The following NDC80 variants were observed in gnomAD, a reference collection of about 807,000 sequenced individuals.
NDC80 encodes the protein kinetochore protein NDC80 homolog.
Under a neutral mutation model 89.3 loss-of-function variants are expected in NDC80, and 69 were observed. The ratio of observed to expected loss-of-function variants is 0.77; its 90% CI spans 0.64 to 0.94. The LOEUF is 0.94. Ranked by LOEUF, NDC80 falls within the 40% of genes least tolerant of loss-of-function variation. The probability of loss-of-function intolerance (pLI) is 0.00; values close to 1 mark genes in which losing one functional copy is unlikely to be tolerated. For missense variants in NDC80, 593 were observed against 739.6 expected (o/e 0.80, Z 2.30); for synonymous variants, 243 against 255.6 (o/e 0.95, Z 0.47).
In NDC80 at chr18:2,607,965, GTATATATATATATATATATA is replaced by G. The variant is rs3033372; in HGVS notation, c.1558-720_1558-701del. 4.8e-3 allele frequency among the ~76,000 whole-genome samples: 326 copies of G among 68,146 alleles called. 11 individuals carry two copies. Among genetic ancestry groups the G allele is most frequent in the African/African-American group, 0.018 (314 of 17,752 alleles). 44.7% of individuals were successfully genotyped at this position (68,146 alleles called of 152,430 possible). Reference sequence around the variant, plus strand: ...TGTTTTTATTTTACATATATACATAGTATATATATATATATATATATATATATATATATAACTTATTTAGC... The same window carrying G: ...TGTTTTTATTTTACATATATACATAGTATATATATATATAACTTATTTAGC... On this transcript the variant is annotated intron_variant, in intron 14 of 16. Coordinates refer to ENST00000261597, the MANE Select transcript of NDC80 (RefSeq NM_006101.3).
At chr18:2,578,201 A>T in intron 5 of NDC80, 60 bp downstream of exon 5, 1 of 1,484,352 alleles carries the variant, frequency 6.7e-7, no homozygotes, top group Non-Finnish European at 9.2e-7. Context: ...AAACAAATTA[A>T]ATCAATTTGT....
At chr18:2,583,332 T>C (rs1041185914) in intron 6 of NDC80, among the ~76,000 whole-genome samples, 1 of 152,168 alleles carries the variant, frequency 6.6e-6, no homozygotes, top group Admixed American at 6.5e-5. Flanking sequence ...AGAAGCTGTC[T>C]TTACCCTGAT....
chr18:2,601,347 T>C, intron 12 of NDC80, 49 bp from the exon 13 acceptor site: 1 of 907,542 alleles, frequency 1.1e-6, no homozygotes, highest in Non-Finnish European at 1.6e-6. Context: ...AGGAGGGATA[T>C]TTTGTAATTA....
At chr18:2,591,525 T>C (rs2072627522) in intron 10 of NDC80, among the ~76,000 whole-genome samples, 1 of 152,050 alleles carries the variant, frequency 6.6e-6, no homozygotes, top group South Asian at 2.1e-4. Flanking sequence ...GAGTATTGAT[T>C]GTCAACTCAA....
At chr18:2,580,833 C>A (rs1416180152) in intron 6 of NDC80, among the ~76,000 whole-genome samples, 1 of 148,418 alleles carries the variant, frequency 6.7e-6, no homozygotes, top group African/African-American at 2.5e-5. Context: ...CCTCCACCTC[C>A]CAGGTTCAAA....
intron 6 of NDC80, among the ~76,000 whole-genome samples, chr18:2,583,131 A>G (rs1430770709): frequency 6.6e-6 from 1 of 152,208 alleles, no homozygotes; most frequent in Non-Finnish European, 1.5e-5. Context: ...TGAAAACATG[A>G]TTCAAATCTA....
At chr18:2,614,461 A>T (rs556540955) in intron 16 of NDC80, 1 of 7,076 alleles carries the variant, frequency 1.4e-4, no homozygotes, top group Non-Finnish European at 2.5e-4. Flanking sequence ...GAAAGAAAGA[A>T]AGAAAGAAAG....
chr18:2,596,867 T>A (rs1156489828), intron 11 of NDC80, among the ~76,000 whole-genome samples: 7 of 151,482 alleles, frequency 4.6e-5, no homozygotes, highest in Non-Finnish European at 1.5e-5. Flanking sequence ...TGAGTTCATG[T>A]CCTTTGTAGG....
At chr18:2,603,453 G>A (rs1226132335) in intron 13 of NDC80, among the ~76,000 whole-genome samples, 1 of 150,028 alleles carries the variant, frequency 6.7e-6, no homozygotes, top group South Asian at 2.1e-4. Flanking sequence ...GTCATACAGA[G>A]ACTAACAACT....
chr18:2,590,948 G>A (rs2072624668), intron 10 of NDC80, among the ~76,000 whole-genome samples: 3 of 152,104 alleles, frequency 2.0e-5, no homozygotes, highest in Admixed American at 6.5e-5. Context: ...ATTTTGCCCA[G>A]GCCAGTCTCG....
chr18:2,584,142 G>A (rs910899562), intron 6 of NDC80, among the ~76,000 whole-genome samples: 1 of 151,762 alleles, frequency 6.6e-6, no homozygotes, highest in East Asian at 1.9e-4. Context: ...ATAAAAATTA[G>A]CCAGGCATGG....
intron 9 of NDC80, 34 bp downstream of exon 9, chr18:2,589,344 C>A: frequency 7.0e-7 from 1 of 1,436,238 alleles, no homozygotes; most frequent in Non-Finnish European, 9.7e-7. Flanking sequence ...TACTTGAGAG[C>A]TCTTTTAGAC....
chr18:2,583,772 G>A (rs2072590313), intron 6 of NDC80, among the ~76,000 whole-genome samples: 1 of 151,672 alleles, frequency 6.6e-6, no homozygotes, highest in Non-Finnish European at 1.5e-5. Context: ...CCAGTTGTTA[G>A]AGCTCTTCTG....
chr18:2,616,318 C>A, intron 16 of NDC80, 119 bp from the exon 17 acceptor site: 1 of 629,558 alleles, frequency 1.6e-6, no homozygotes, highest in Non-Finnish European at 2.5e-6. Context: ...AGCCACCATG[C>A]CCGGCCCTTT....
In NDC80 at chr18:2,599,111, A is replaced by C. The variant is rs2072671397; in HGVS notation, c.1314A>C (p.Glu438Asp). Residue 438 changes from glutamate (E) to aspartate (D), a missense_variant, in exon 12 of 17, where the codon GAA becomes GAC. Transcript: ENST00000261597. ...AGAATTCCAAAGGTTATGACTTTGAAATTAAGTTTAATCCCGAGGCTGGTG... is the reference window on the plus strand; with the variant it reads ...AGAATTCCAAAGGTTATGACTTTGACATTAAGTTTAATCCCGAGGCTGGTG... ...GAENSKGYDF[E>D]IKFNPEAGAN... 5 of 1,613,556 alleles carry C rather than the reference A, an allele frequency of 3.1e-6. No homozygotes were observed. Among genetic ancestry groups the C allele is most frequent in the Non-Finnish European group, 4.2e-6 (5 of 1,179,712 alleles).
intron 15 of NDC80, among the ~76,000 whole-genome samples, chr18:2,610,512 C>T (rs1329397884): frequency 6.6e-6 from 1 of 152,208 alleles, no homozygotes; most frequent in Non-Finnish European, 1.5e-5. Flanking sequence ...CAACCCTTCG[C>T]TCCAAAGCTT....
chr18:2,601,051 A>G (rs2072681519), intron 12 of NDC80, among the ~76,000 whole-genome samples: 1 of 152,228 alleles, frequency 6.6e-6, no homozygotes, highest in Non-Finnish European at 1.5e-5. Flanking sequence ...TCTGGATAAC[A>G]TAGCATAAAA....
intron 2 of NDC80, 59 bp downstream of exon 2, chr18:2,573,145 A>G (rs1032946653): frequency 1.5e-6 from 2 of 1,344,626 alleles, no homozygotes; most frequent in African/African-American, 2.9e-5. Context: ...CAAAGAAATC[A>G]TAAGAAATAG....
Position 2,587,827 on chromosome 18 carries a change from T to C in NDC80, c.670-3T>C, listed in dbSNP as rs1598366878. The stretch of plus-strand genomic sequence containing the variant: ...TGTTTCTAAAATCTGCTTAACCCCA[T>C]AGTTGTTTTTGGACTACACCATAAA... On this transcript the variant is annotated splice_polypyrimidine_tract_variant and splice_region_variant and intron_variant, in intron 7 of 16. Coordinates refer to ENST00000261597, the MANE Select transcript of NDC80 (RefSeq NM_006101.3). 1 of 1,610,512 alleles carries C rather than the reference T, an allele frequency of 6.2e-7. No homozygotes were observed. The highest frequency in any genetic ancestry group is 8.5e-7 in the Non-Finnish European group (1 of 1,177,016).
Sources: allele counts gnomAD v4.1 joint callset (sites outside exome capture counted in the v4.1 genomes callset), GRCh38; gene constraint gnomAD v4.1.1; transcripts MANE v1.5; gene names NCBI Gene and HGNC (gene_info 2026-07-23, HGNC 2026-07-21).